POLA1: variants seen among roughly 807,000 people sequenced by gnomAD.
The protein encoded by POLA1 is DNA polymerase alpha catalytic subunit.
Under a neutral mutation model 124.0 loss-of-function variants are expected in POLA1, and 15 were observed. That is an observed-to-expected ratio of 0.12 (90% confidence interval 0.08 to 0.19). The LOEUF is 0.19. POLA1 is among the 10% of genes least tolerant of loss of function. The probability of loss-of-function intolerance (pLI) is 1.00; values close to 1 mark genes in which losing one functional copy is unlikely to be tolerated. For missense variants in POLA1, 886 were observed against 1,103.4 expected, an observed-to-expected ratio of 0.80 and a Z score of 2.79; for synonymous variants, 408 against 389.4, an observed-to-expected ratio of 1.05 and a Z score of -0.56.
At chrX:24,914,313 A>G (rs1393139537) in intron 35 of POLA1, among the ~76,000 whole-genome samples, 2 of 111,052 alleles carry the variant, frequency 1.8e-5, no homozygotes, top group African/African-American at 6.5e-5. Flanking sequence ...ACTTCTGTGA[A>G]TGTCCAACAT....
chrX:24,936,460 A>G (rs962914136), intron 36 of POLA1, among the ~76,000 whole-genome samples: 2 of 111,953 alleles, frequency 1.8e-5, no homozygotes, highest in African/African-American at 6.5e-5. Flanking sequence ...TAAAAAGAAG[A>G]CTGTGTCAGA....
chrX:24,825,670 C>T lies in POLA1; in HGVS notation c.3562-757C>T, dbSNP rs2046160718. 2.7e-5 allele frequency among the ~76,000 whole-genome samples: 3 copies of T among 111,478 alleles called. No individual in the cohort carries two copies. In the South Asian group the frequency reaches 1.2e-3, roughly 43 times the overall value. On this transcript the variant is annotated intron_variant, in intron 31 of 36. Coordinates refer to ENST00000379068, the MANE Select transcript of POLA1 (RefSeq NM_001330360.2). Reference sequence around the variant, plus strand: ...GGGCCAATTATATATAATTTCACAGCTTTTATTTTTATAGAGTAAAAGAGA... The same window carrying T: ...GGGCCAATTATATATAATTTCACAGTTTTTATTTTTATAGAGTAAAAGAGA...
At chrX:24,959,863 A>G (rs1462131290) in intron 36 of POLA1, among the ~76,000 whole-genome samples, 2 of 111,704 alleles carry the variant, frequency 1.8e-5, no homozygotes, top group Non-Finnish European at 3.8e-5. Context: ...AGAATGGCAT[A>G]TATGGCTTAC....
chrX:24,909,618 A>T (rs1421759486), intron 35 of POLA1, among the ~76,000 whole-genome samples: 1 of 111,237 alleles, frequency 9.0e-6, no homozygotes, highest in Non-Finnish European at 1.9e-5. Context: ...TATCAGTACC[A>T]TGCTGTTTTG....
chrX:24,957,474 C>CTGT (rs1256001989), intron 36 of POLA1, among the ~76,000 whole-genome samples: 5 of 110,441 alleles, frequency 4.5e-5, no homozygotes, highest in Admixed American at 2.9e-4. Flanking sequence ...AGGTGTATGC[C>CTGT]CTAGAGACAG....
intron 36 of POLA1, among the ~76,000 whole-genome samples, chrX:24,946,741 G>A (rs750728733): frequency 1.3e-4 from 14 of 111,849 alleles, no homozygotes; most frequent in Non-Finnish European, 2.4e-4. Flanking sequence ...GATCATGCTT[G>A]ATACATTATT....
At chrX:24,938,423 A>G (rs1488337131) in intron 36 of POLA1, among the ~76,000 whole-genome samples, 1 of 111,514 alleles carries the variant, frequency 9.0e-6, no homozygotes, top group Non-Finnish European at 1.9e-5. Context: ...CTCAATAAAA[A>G]AAGAACTGGA....
chrX:24,714,290 T>C (rs182643771), intron 4 of POLA1, among the ~76,000 whole-genome samples: 26 of 111,812 alleles, frequency 2.3e-4, no homozygotes, highest in African/African-American at 8.1e-4. Context: ...CTGGAGTAGC[T>C]GGGACTGCAG....
chrX:24,916,266 A>G (rs113629720), intron 35 of POLA1, among the ~76,000 whole-genome samples: 4,127 of 107,595 alleles, frequency 0.038, 210 homozygotes, highest in African/African-American at 0.13. Flanking sequence ...CAAGAACCTG[A>G]GAACTTTTTT....
At chrX:24,953,270 T>C (rs747823608) in intron 36 of POLA1, among the ~76,000 whole-genome samples, 6 of 112,165 alleles carry the variant, frequency 5.3e-5, no homozygotes, top group Admixed American at 2.8e-4. Flanking sequence ...CTCTTTATGG[T>C]GTCTATTATT....
At chrX:24,973,169 C>T (rs11573513) in intron 36 of POLA1, among the ~76,000 whole-genome samples, 17,933 of 110,651 alleles carry the variant, frequency 0.16, 1,079 homozygotes, top group South Asian at 0.42. Context: ...CAGCCATGGC[C>T]AACATGGTGA....
rs752588865 is a variant in POLA1, at chrX:24,861,796, A to G, written c.4047+18119A>G. Among the ~76,000 whole-genome samples the G allele has an allele frequency of 2.7e-5, 3 of 112,429 alleles. No homozygotes were observed. In the South Asian group the frequency reaches 1.1e-3, roughly 42 times the overall value. On this transcript the variant is annotated intron_variant, in intron 34 of 36. Coordinates refer to ENST00000379068, the MANE Select transcript of POLA1 (RefSeq NM_001330360.2). ...GAATTTACTTCAAGCCAAATTTTGAACTGCATAAATGTTAACGTTTATGAA... is the reference window on the plus strand; with the variant it reads ...GAATTTACTTCAAGCCAAATTTTGAGCTGCATAAATGTTAACGTTTATGAA...
At chrX:24,694,117 C>G (rs1429378790) in intron 1 of POLA1, 113 bp downstream of exon 1, 24 of 765,902 alleles carry the variant, frequency 3.1e-5, no homozygotes, top group Non-Finnish European at 4.2e-5. Flanking sequence ...AGACCTTGGT[C>G]GTCCCCGGCG....
At chrX:24,820,887 A>G (rs769073976) in intron 30 of POLA1, among the ~76,000 whole-genome samples, 2 of 111,891 alleles carry the variant, frequency 1.8e-5, no homozygotes, top group East Asian at 2.8e-4. Context: ...CTGTATATCA[A>G]GCATCGTTAG....
intron 28 of POLA1, 115 bp from the exon 29 acceptor site, chrX:24,812,543 C>A: frequency 2.2e-6 from 1 of 464,759 alleles, no homozygotes; most frequent in Non-Finnish European, 3.6e-6. Flanking sequence ...AGTAAAATTC[C>A]AATGTTGTAT....
At chrX:24,824,507 C>G (rs1326522384) in intron 31 of POLA1, among the ~76,000 whole-genome samples, 2 of 96,934 alleles carry the variant, frequency 2.1e-5, no homozygotes, top group Admixed American at 2.3e-4. Context: ...GGGGGTCTCA[C>G]TGTGTCACCC....
In POLA1 at chrX:24,789,296, G is replaced by A. The variant is rs548203325; in HGVS notation, c.2965-20602G>A. Among the ~76,000 whole-genome samples, 13 of 111,961 alleles carry A rather than the reference G, an allele frequency of 1.2e-4. No individual in the cohort carries two copies. In the South Asian group the frequency reaches 4.8e-3, roughly 41 times the overall value. On this transcript the variant is annotated intron_variant, in intron 26 of 36. Transcript: ENST00000379068. Reference sequence around the variant, plus strand: ...ACCAAAGAACTGTTAGAACTAATAAGTGAATTCTGTAAATTCGGAGGATAC... The same window carrying A: ...ACCAAAGAACTGTTAGAACTAATAAATGAATTCTGTAAATTCGGAGGATAC...
chrX:24,742,209 ATCT>A (rs1391534738), intron 22 of POLA1, 88 bp downstream of exon 22: 2 of 828,275 alleles, frequency 2.4e-6, no homozygotes, highest in Non-Finnish European at 3.3e-6. Context: ...CTGTGATAAC[ATCT>A]GCTTTCAAAA....
At chrX:24,750,132 T>C (rs1393300848) in intron 26 of POLA1, among the ~76,000 whole-genome samples, 1 of 112,489 alleles carries the variant, frequency 8.9e-6, no homozygotes, top group Non-Finnish European at 1.9e-5. Context: ...ATGTATCATC[T>C]GTGGCTGCTT....
Sources: gnomAD v4.1 joint callset for allele counts (sites outside exome capture counted in the v4.1 genomes callset) on GRCh38, gnomAD v4.1.1 for gene constraint, MANE v1.5 for transcripts, NCBI Gene and HGNC (gene_info 2026-07-23, HGNC 2026-07-21) for gene names.